The following PKD1L1 variants were observed in gnomAD, a reference collection of about 807,000 sequenced individuals.
PKD1L1 encodes polycystin 1 like 1, transient receptor potential channel interacting.
A neutral mutation model predicts 323.4 loss-of-function variants in PKD1L1; 236 were observed. The ratio of observed to expected loss-of-function variants is 0.73; its 90% CI spans 0.66 to 0.81. The LOEUF is 0.81. Ranked by LOEUF, PKD1L1 falls within the 40% of genes least tolerant of loss-of-function variation. The pLI is 0.00. For missense variants in PKD1L1, 3,320 were observed against 3,508.0 expected, an observed-to-expected ratio of 0.95 and a Z score of 1.35; for synonymous variants, 1,344 against 1,335.0, an observed-to-expected ratio of 1.01 and a Z score of -0.15.
At chr7:47,896,205 T>C (rs1177549669) in intron 14 of PKD1L1, among the ~76,000 whole-genome samples, 1 of 151,950 alleles carries the variant, frequency 6.6e-6, no homozygotes, top group Non-Finnish European at 1.5e-5. Flanking sequence ...GGTATGCACA[T>C]GTAGTCCCAG....
At chr7:47,932,846 A>G (rs1787798770) in intron 4 of PKD1L1, among the ~76,000 whole-genome samples, 1 of 152,134 alleles carries the variant, frequency 6.6e-6, no homozygotes, top group Non-Finnish European at 1.5e-5. Context: ...AGTATTTCCA[A>G]TGCCTGCAGC....
chr7:47,846,836 C>T (rs756374280), intron 32 of PKD1L1, 43 bp downstream of exon 32: 2 of 1,550,958 alleles, frequency 1.3e-6, no homozygotes, highest in Non-Finnish European at 8.7e-7. Flanking sequence ...ACAAGGCAGT[C>T]ATTTACTAAA....
At chr7:47,864,578 TTCTTTC>T (rs1786108252) in intron 26 of PKD1L1, among the ~76,000 whole-genome samples, 1 of 51,474 alleles carries the variant, frequency 1.9e-5, no homozygotes, top group Non-Finnish European at 3.6e-5. Flanking sequence ...TTTCTTTCTT[TTCTTTC>T]TTTCTTTCTT....
At chr7:47,831,085 T>G in intron 42 of PKD1L1, 132 bp downstream of exon 42, 3 of 1,225,542 alleles carry the variant, frequency 2.4e-6, no homozygotes, top group Non-Finnish European at 2.3e-6. Context: ...GAGGGAGAAA[T>G]GAGGGAGAAA....
At chr7:47,799,419 G>T (rs1323458461) in intron 54 of PKD1L1, among the ~76,000 whole-genome samples, 2 of 152,174 alleles carry the variant, frequency 1.3e-5, no homozygotes, top group Non-Finnish European at 2.9e-5. Flanking sequence ...GGACTGCAGA[G>T]AATTTTTATC....
At chr7:47,809,301 C>T (rs1276370695) in intron 51 of PKD1L1, 172 bp downstream of exon 51, 1 of 569,146 alleles carries the variant, frequency 1.8e-6, no homozygotes, top group Non-Finnish European at 3.1e-6. Context: ...TGTAACAACA[C>T]TAAATGATAC....
intron 15 of PKD1L1, among the ~76,000 whole-genome samples, chr7:47,892,446 G>A (rs1414337691): frequency 6.6e-6 from 1 of 152,164 alleles, no homozygotes; most frequent in Non-Finnish European, 1.5e-5. Context: ...ATCCTCACTG[G>A]CACTGTGAGG....
intron 21 of PKD1L1, among the ~76,000 whole-genome samples, chr7:47,880,396 C>A (rs1786525223): frequency 6.8e-6 from 1 of 147,854 alleles, no homozygotes; most frequent in Admixed American, 6.7e-5. Flanking sequence ...ATTCTCCTGC[C>A]TCGGCCTCTC....
At chr7:47,899,967 A>AAAAAAAAAAAAAAAAAAAC (rs1787049686) in intron 13 of PKD1L1, among the ~76,000 whole-genome samples, 1 of 151,870 alleles carries the variant, frequency 6.6e-6, no homozygotes, top group Non-Finnish European at 1.5e-5. Flanking sequence ...AAAAAAAAAA[A>AAAAAAAAAAAAAAAAAAAC]AATCGGAAAG....
Position 47,894,027 on chromosome 7 carries a change from G to A in PKD1L1, c.2304C>T (p.Asn768=). 1 of 1,600,610 alleles carries A rather than the reference G, an allele frequency of 6.2e-7. No individual in the cohort carries two copies. The highest frequency in any genetic ancestry group is 8.5e-7 in the Non-Finnish European group (1 of 1,173,418). Residue 768 remains asparagine (N), a synonymous_variant, in exon 15 of 57, where the codon AAC becomes AAT. Transcript: ENST00000289672. ...CTCGCACCTCCAGGCCCACACAGTA[G>A]TTGCTGTACACCACACTGCCTTCAA... ...VQIEGSVVYS[N]YCVGLEVRAQ... is the part of the protein sequence containing the mutation.
chr7:47,920,157 C>T (rs1787505394), intron 7 of PKD1L1, among the ~76,000 whole-genome samples: 1 of 152,046 alleles, frequency 6.6e-6, no homozygotes, highest in African/African-American at 2.4e-5. Context: ...TAAAAGAATG[C>T]AGCTAAGTTT....
In PKD1L1 at chr7:47,857,703, G is replaced by A. The variant is rs776392138; in HGVS notation, c.4492C>T (p.His1498Tyr). ...TGTGTCTCCGCCCCAGCAGGACTGT[G>A]CCCAGCAAGGTCACCAGGTAAATGC... Reference protein sequence around the residue: ...QVHLPGDLAGHSPAGAETQSP... With the variant: ...QVHLPGDLAGYSPAGAETQSP... The change falls in exon 28 of 57, where the codon CAC (histidine) becomes TAC (tyrosine). Residue 1498 changes from histidine (H) to tyrosine (Y), a missense_variant. By Grantham distance (83) the His-to-Tyr change is moderately conservative (BLOSUM62 2). Coordinates refer to ENST00000289672, the MANE Select transcript of PKD1L1 (RefSeq NM_138295.5). 9 of 1,613,912 alleles carry A rather than the reference G, an allele frequency of 5.6e-6. No homozygotes were observed. In the Admixed American group the frequency reaches 6.7e-5, roughly 12 times the overall value.
Position 47,796,830 on chromosome 7 carries a change from CAAAAAAAA to C in PKD1L1, c.8194-688_8194-681del, listed in dbSNP as rs71006525. On this transcript the variant is annotated intron_variant, in intron 54 of 56. Transcript: ENST00000289672. ...GTGAAACCCTGTCTCTCCTAAATTA[CAAAAAAAA>C]AAAAAAAAAAAATTAGCTGGGTGTG... Among the ~76,000 whole-genome samples, 526 of 133,628 alleles carry C rather than the reference CAAAAAAAA, an allele frequency of 3.9e-3. 1 individual carries two copies. Among genetic ancestry groups the C allele is most frequent in the Non-Finnish European group, 5.8e-3 (371 of 64,256 alleles). 87.7% of individuals were successfully genotyped at this position (133,628 alleles called of 152,430 possible). A position where few individuals can be genotyped will look rare whatever the true frequency, so the allele number is the denominator to read the frequency against.
chr7:47,782,590 C>T (rs146978984), intron 56 of PKD1L1, among the ~76,000 whole-genome samples: 1 of 152,308 alleles, frequency 6.6e-6, no homozygotes, highest in East Asian at 1.9e-4. Flanking sequence ...TCTATATTTA[C>T]TTGAATTCTG....
intron 9 of PKD1L1, among the ~76,000 whole-genome samples, chr7:47,907,680 C>T (rs554476432): frequency 7.2e-5 from 11 of 152,302 alleles, no homozygotes; most frequent in Middle Eastern, 3.4e-3. Context: ...GCCTCCAGCC[C>T]GTGCTGCAAG....
At chr7:47,929,606 C>A in intron 6 of PKD1L1, 80 bp from the exon 7 acceptor site, 1 of 1,332,304 alleles carries the variant, frequency 7.5e-7, no homozygotes, top group Non-Finnish European at 1.0e-6. Flanking sequence ...GCAGCCTGGC[C>A]TGGGTCCAGC....
At chr7:47,830,326 G>A (rs999297374) in intron 42 of PKD1L1, among the ~76,000 whole-genome samples, 4 of 152,192 alleles carry the variant, frequency 2.6e-5, no homozygotes, top group East Asian at 1.9e-4. Flanking sequence ...AGAGGACATC[G>A]ACCTCCCTGA....
intron 15 of PKD1L1, among the ~76,000 whole-genome samples, chr7:47,893,629 G>A (rs1158899291): frequency 6.6e-6 from 1 of 152,104 alleles, no homozygotes; most frequent in African/African-American, 2.4e-5. Flanking sequence ...TTTAACAATG[G>A]TGACACTCAA....
chr7:47,788,879 A>G lies in PKD1L1; in HGVS notation c.8526+3748T>C, dbSNP rs138372218. On this transcript the variant is annotated intron_variant, in intron 56 of 56. Transcript: ENST00000289672. ...CCCGAAGTGCTGGGATTTCAGGTGT[A>G]AGCCACCGTGCTTGGCCTATTAATA... 3.0e-3 allele frequency among the ~76,000 whole-genome samples: 463 copies of G among 152,078 alleles called. 3 individuals carry two copies. Among genetic ancestry groups the G allele is most frequent in the East Asian group, 7.3e-3 (38 of 5,172 alleles).
Sources: gnomAD v4.1 joint callset for allele counts (sites outside exome capture counted in the v4.1 genomes callset) on GRCh38, gnomAD v4.1.1 for gene constraint, MANE v1.5 for transcripts, NCBI Gene and HGNC (gene_info 2026-07-23, HGNC 2026-07-21) for gene names.